The following RIMS1 variants were observed in gnomAD, a reference collection of about 807,000 sequenced individuals.
RIMS1 encodes the protein regulating synaptic membrane exocytosis protein 1.
RIMS1 carries 83 observed loss-of-function variants against 214.1 expected under a neutral mutation model. That is an observed-to-expected ratio of 0.39 (90% CI 0.32 to 0.47). The LOEUF is 0.47. RIMS1 is among the 20% of genes least tolerant of loss of function. The probability of loss-of-function intolerance (pLI) is 0.99; values close to 1 mark genes in which losing one functional copy is unlikely to be tolerated. For synonymous variants in RIMS1, 793 were observed against 786.8 expected (o/e 1.01, Z -0.13); for missense variants, 2,050 against 2,161.8 (o/e 0.95, Z 1.03).
At position 72,242,325 on chromosome 6, in the gene RIMS1, C is replaced by T; in HGVS notation, c.1969C>T (p.Leu657=). The T allele has an allele frequency of 6.4e-7, 1 of 1,560,546 alleles. No homozygotes were observed. Among genetic ancestry groups the T allele is most frequent in the Non-Finnish European group, 8.7e-7 (1 of 1,150,092 alleles). The change falls in exon 10 of 34, where the codon CTA becomes TTA. Residue 657 remains leucine, a synonymous_variant. Coordinates refer to ENST00000521978, the MANE Select transcript of RIMS1 (RefSeq NM_014989.7). ...TTTTTAAATTCAAGGGGATGAAGTT[C>T]TAGAATGGAATGGTAAACCCCTGCC... ...VGHLRAGDEV[L]EWNGKPLPGA...
intron 29 of RIMS1, among the ~76,000 whole-genome samples, chr6:72,358,797 A>G (rs1046200917): frequency 1.3e-5 from 2 of 152,186 alleles, no homozygotes; most frequent in Non-Finnish European, 2.9e-5. Flanking sequence ...GGGAAAGAAT[A>G]GATGTGGGAA....
At chr6:72,216,379 T>C in intron 6 of RIMS1, 1 of 903,166 alleles carries the variant, frequency 1.1e-6, no homozygotes, top group South Asian at 5.1e-5. Flanking sequence ...TGGCAAAACC[T>C]GTTTGAGGTT....
intron 2 of RIMS1, among the ~76,000 whole-genome samples, chr6:72,003,183 T>C (rs1344069920): frequency 1.3e-5 from 2 of 152,174 alleles, no homozygotes; most frequent in Non-Finnish European, 2.9e-5. Context: ...GGGAATGATC[T>C]CATCGACACC....
At chr6:71,934,302 A>G (rs948643584) in intron 1 of RIMS1, among the ~76,000 whole-genome samples, 1 of 152,204 alleles carries the variant, frequency 6.6e-6, no homozygotes, top group African/African-American at 2.4e-5. Context: ...CGCCTAACAT[A>G]AAAGCCAGAA....
chr6:72,201,506 C>G (rs1209287641), intron 6 of RIMS1, among the ~76,000 whole-genome samples: 1 of 152,124 alleles, frequency 6.6e-6, no homozygotes, highest in Non-Finnish European at 1.5e-5. Context: ...TTCAATTTAA[C>G]AGAATAACAG....
intron 8 of RIMS1, among the ~76,000 whole-genome samples, chr6:72,235,960 A>T (rs1468982343): frequency 6.6e-6 from 1 of 152,188 alleles, no homozygotes; most frequent in Non-Finnish European, 1.5e-5. Flanking sequence ...GGAAAGTAGC[A>T]TAGGTAATGT....
chr6:72,133,233 TTTTTTTTTTTTCCTG>T (rs1199007101), intron 4 of RIMS1, among the ~76,000 whole-genome samples: 1 of 95,040 alleles, frequency 1.1e-5, no homozygotes, highest in Non-Finnish European at 2.8e-5. Flanking sequence ...TTTCTCTCTT[TTTTTTTTTTTTCCTG>T]ATACAGAGTC....
chr6:72,333,613 A>C lies in RIMS1; in HGVS notation c.4144A>C (p.Lys1382Gln). 6.3e-7 allele frequency: 1 copy of C among 1,588,674 alleles called. No homozygotes were observed. The highest frequency in any genetic ancestry group is 8.6e-7 in the Non-Finnish European group (1 of 1,166,906). The change falls in exon 29 of 34, where the codon AAA (lysine) becomes CAA (glutamine). Residue 1382 changes from lysine (K) to glutamine (Q), a missense_variant. Physicochemically the swap from Lys to Gln is moderately conservative, Grantham distance 53. Around this residue, in one of 6 missense-constraint regions of RIMS1, gnomAD observed 889 missense variants for 885.5 expected, o/e 1.00. Transcript: ENST00000521978. ...PRGRISSFTPKMQGRRMGTSG... is the reference protein window; with the variant it reads ...PRGRISSFTPQMQGRRMGTSG... ...TTGTAAATATAGTTCATTTACCCCC[A>C]AAATGCAAGGCAGACGGATGGGGAC...
At chr6:72,194,057 AAGG>A (rs1214017676) in intron 6 of RIMS1, among the ~76,000 whole-genome samples, 1 of 152,172 alleles carries the variant, frequency 6.6e-6, no homozygotes, top group Admixed American at 6.5e-5. Context: ...AGATCTCTGC[AAGG>A]AGAACTACAA....
chr6:72,015,531 C>G (rs1270558896), intron 2 of RIMS1, among the ~76,000 whole-genome samples: 1 of 152,014 alleles, frequency 6.6e-6, no homozygotes, highest in African/African-American at 2.4e-5. Flanking sequence ...ATTTATTTTT[C>G]TTGCCTAACT....
chr6:72,103,581 T>A (rs1218595140), intron 4 of RIMS1, among the ~76,000 whole-genome samples: 1 of 152,130 alleles, frequency 6.6e-6, no homozygotes, highest in Admixed American at 6.6e-5. Flanking sequence ...AGGAAAGGGC[T>A]ATGGTAGAAA....
chr6:72,112,311 A>G (rs2036263002), intron 4 of RIMS1, among the ~76,000 whole-genome samples: 1 of 151,884 alleles, frequency 6.6e-6, no homozygotes, highest in African/African-American at 2.4e-5. Context: ...TTTCCTTCTC[A>G]ACCCCTCATC....
intron 2 of RIMS1, among the ~76,000 whole-genome samples, chr6:72,003,606 GTGTC>G (rs886965687): frequency 3.3e-5 from 5 of 151,772 alleles, no homozygotes; most frequent in African/African-American, 1.2e-4. Flanking sequence ...TTGCAGGTGT[GTGTC>G]TGTGTGTGTG....
intron 6 of RIMS1, among the ~76,000 whole-genome samples, chr6:72,220,431 C>G (rs568587335): frequency 6.6e-6 from 1 of 152,168 alleles, no homozygotes; most frequent in East Asian, 1.9e-4. Context: ...AAAGGACTTG[C>G]ATAACTCAGG....
intron 1 of RIMS1, among the ~76,000 whole-genome samples, chr6:71,889,153 A>G (rs1326760437): frequency 6.6e-6 from 1 of 152,136 alleles, no homozygotes; most frequent in Non-Finnish European, 1.5e-5. Context: ...GCTGCTTGCC[A>G]GAGTCCGGAT....
chr6:71,986,275 A>T (rs1799946346), intron 2 of RIMS1, among the ~76,000 whole-genome samples: 1 of 151,986 alleles, frequency 6.6e-6, no homozygotes, highest in Non-Finnish European at 1.5e-5. Context: ...GTCTAGCACA[A>T]AGAATGGCTC....
chr6:72,065,516 G>A (rs953566603), intron 2 of RIMS1, among the ~76,000 whole-genome samples: 7 of 151,522 alleles, frequency 4.6e-5, no homozygotes, highest in South Asian at 2.1e-4. Flanking sequence ...GTTCCTCTCC[G>A]AGGAAAAAAG....
intron 29 of RIMS1, among the ~76,000 whole-genome samples, chr6:72,337,314 T>C (rs964921039): frequency 1.3e-5 from 2 of 151,780 alleles, no homozygotes; most frequent in Non-Finnish European, 2.9e-5. Flanking sequence ...CTATATCTTC[T>C]CCTCACTTGA....
At chr6:72,105,659 A>G (rs781128822) in intron 4 of RIMS1, among the ~76,000 whole-genome samples, 2 of 152,210 alleles carry the variant, frequency 1.3e-5, no homozygotes, top group Non-Finnish European at 2.9e-5. Context: ...AATTCAACTT[A>G]AAATGTGTAT....
Sources: allele counts gnomAD v4.1 joint callset (sites outside exome capture counted in the v4.1 genomes callset), GRCh38; gene constraint gnomAD v4.1.1; regional missense constraint gnomAD v4.1.1; transcripts MANE v1.5; gene names NCBI Gene and HGNC (gene_info 2026-07-23, HGNC 2026-07-21).